SORCS1: variants seen among roughly 807,000 people sequenced by gnomAD.
The protein encoded by SORCS1 is sortilin related VPS10 domain containing receptor 1, also known as VPS10 domain-containing receptor SorCS1.
In SORCS1, 60 loss-of-function variants were observed where a neutral mutation model predicts 146.1. That is an observed-to-expected ratio of 0.41 (90% CI 0.33 to 0.51). The LOEUF is 0.51. Ranked by LOEUF, SORCS1 falls within the 20% of genes least tolerant of loss-of-function variation. The pLI is 0.21. For synonymous variants in SORCS1, 637 were observed against 584.0 expected, an observed-to-expected ratio of 1.09 and a Z score of -1.31; for missense variants, 1,352 against 1,487.6, an observed-to-expected ratio of 0.91 and a Z score of 1.50.
chr10:106,900,397 C>G (rs915242251), intron 2 of SORCS1, among the ~76,000 whole-genome samples: 1 of 152,162 alleles, frequency 6.6e-6, no homozygotes, highest in East Asian at 1.9e-4. Context: ...CCCTACTGCT[C>G]TCTGTGGCTT....
intron 1 of SORCS1, among the ~76,000 whole-genome samples, chr10:106,987,623 T>G (rs894938526): frequency 6.6e-6 from 1 of 152,200 alleles, no homozygotes; most frequent in Non-Finnish European, 1.5e-5. Context: ...TCCCGCCTAC[T>G]GAGGTTCTCC....
rs532972479 is a variant in SORCS1, at chr10:106,850,066, G to A, written c.627-20393C>T. On this transcript the variant is annotated intron_variant, in intron 2 of 25. Coordinates refer to ENST00000263054, the MANE Select transcript of SORCS1 (RefSeq NM_052918.5). ...TTGTCTGTGCCCTGCCCCCAGAGGT[G>A]GAGTGTACAGAGGCAGGCAGGCCTC... 3.3e-5 allele frequency among the ~76,000 whole-genome samples: 5 copies of A among 152,254 alleles called. No homozygotes were observed. In the South Asian group the frequency reaches 1.0e-3, roughly 32 times the overall value.
chr10:107,054,334 T>C (rs1272359922), intron 1 of SORCS1, among the ~76,000 whole-genome samples: 2 of 151,932 alleles, frequency 1.3e-5, no homozygotes, highest in Non-Finnish European at 2.9e-5. Flanking sequence ...TATAATAACA[T>C]TTTTTTAAAA....
chr10:106,579,547 G>A (rs1226553013), intron 24 of SORCS1, 73 bp from the exon 25 acceptor site: 1 of 1,456,186 alleles, frequency 6.9e-7, no homozygotes, highest in African/African-American at 1.4e-5. Context: ...AGGCTCAAAT[G>A]TTTCACACAC....
In SORCS1 at chr10:106,623,976, C is replaced by T. The variant is rs528167391; in HGVS notation, c.2663-3415G>A. Among the ~76,000 whole-genome samples the T allele has an allele frequency of 7.9e-5, 12 of 152,294 alleles. 1 individual carries two copies. In the South Asian group the frequency reaches 2.1e-3, roughly 26 times the overall value. On this transcript the variant is annotated intron_variant, in intron 19 of 25. Transcript: ENST00000263054. ...CTGGGACTACAGGCGTGAGTCACTG[C>T]GCCCAACCCTCACTCAATAGTTTTT...
At chr10:106,855,975 T>G (rs1161058328) in intron 2 of SORCS1, among the ~76,000 whole-genome samples, 2 of 151,820 alleles carry the variant, frequency 1.3e-5, no homozygotes, top group Admixed American at 6.6e-5. Context: ...CCATAGTCAA[T>G]AGGCCTTTAG....
At chr10:106,992,097 G>A (rs542501935) in intron 1 of SORCS1, among the ~76,000 whole-genome samples, 4 of 152,276 alleles carry the variant, frequency 2.6e-5, no homozygotes, top group Admixed American at 6.5e-5. Flanking sequence ...TGAAGACTGA[G>A]CAATCAACAC....
Position 106,612,027 on chromosome 10 carries a change from G to C in SORCS1, c.2921-4C>G. On this transcript the variant is annotated splice_region_variant and splice_polypyrimidine_tract_variant and intron_variant, in intron 21 of 25. Coordinates refer to ENST00000263054, the MANE Select transcript of SORCS1 (RefSeq NM_052918.5). The stretch of plus-strand genomic sequence containing the variant: ...AAGCGAAGAGACCGGAATTCCTCTG[G>C]GGATATAACAGTAGATGGAGTACTA... The C allele has an allele frequency of 6.2e-7, 1 of 1,609,120 alleles. No individual in the cohort carries two copies.
intron 2 of SORCS1, among the ~76,000 whole-genome samples, chr10:106,939,246 GC>G (rs1371509900): frequency 6.6e-6 from 1 of 152,200 alleles, no homozygotes; most frequent in Non-Finnish European, 1.5e-5. Flanking sequence ...TGCAGGCATG[GC>G]TAATCCAAGT....
chr10:106,691,255 C>T (rs188752769), intron 9 of SORCS1, among the ~76,000 whole-genome samples: 18 of 152,280 alleles, frequency 1.2e-4, no homozygotes, highest in Middle Eastern at 6.8e-3. Context: ...TTCCCATAGA[C>T]ACAGAATTTC....
chr10:106,706,944 C>T (rs1854576613), intron 7 of SORCS1, among the ~76,000 whole-genome samples: 1 of 152,158 alleles, frequency 6.6e-6, no homozygotes, highest in Non-Finnish European at 1.5e-5. Flanking sequence ...CCATCACCAG[C>T]CCAGGTCTCT....
intron 1 of SORCS1, among the ~76,000 whole-genome samples, chr10:107,152,373 G>A (rs1303794497): frequency 6.6e-6 from 1 of 152,220 alleles, no homozygotes; most frequent in African/African-American, 2.4e-5. Context: ...GCACTGTCTA[G>A]TGGAGCTATG....
At chr10:107,161,049 C>A (rs1015593999) in intron 1 of SORCS1, among the ~76,000 whole-genome samples, 2 of 152,122 alleles carry the variant, frequency 1.3e-5, no homozygotes, top group African/African-American at 4.8e-5. Context: ...CAGTTTCCAT[C>A]AATCGAGACT....
At chr10:106,803,201 C>T (rs1048733789) in intron 3 of SORCS1, among the ~76,000 whole-genome samples, 8 of 152,066 alleles carry the variant, frequency 5.3e-5, no homozygotes, top group Non-Finnish European at 1.2e-4. Context: ...AGAAACTTAA[C>T]CAATGTACCA....
intron 17 of SORCS1, among the ~76,000 whole-genome samples, chr10:106,663,761 T>C (rs997511636): frequency 6.6e-6 from 1 of 152,224 alleles, no homozygotes; most frequent in African/African-American, 2.4e-5. Flanking sequence ...TCTTTGTAGA[T>C]GATTTCAGGC....
Position 106,577,370 on chromosome 10 carries a change from C to T in SORCS1, c.*50G>A, listed in dbSNP as rs752433532. On this transcript the variant is annotated 3_prime_UTR_variant, in exon 26 of 26. Coordinates refer to ENST00000263054, the MANE Select transcript of SORCS1 (RefSeq NM_052918.5). Reference sequence around the variant, plus strand: ...TGAAGGATGATGTACTTGACAAGAGCGAAATTCTTTCCTGATCAGCAGGTC... The same window carrying T: ...TGAAGGATGATGTACTTGACAAGAGTGAAATTCTTTCCTGATCAGCAGGTC... The T allele has an allele frequency of 1.7e-5, 28 of 1,612,786 alleles. No homozygotes were observed. In the Admixed American group the frequency reaches 2.0e-4, roughly 12 times the overall value.
chr10:107,043,637 C>T (rs1959190905), intron 1 of SORCS1, among the ~76,000 whole-genome samples: 1 of 152,110 alleles, frequency 6.6e-6, no homozygotes, highest in African/African-American at 2.4e-5. Context: ...TTCAGCTGTT[C>T]AAGGTCATCA....
At chr10:106,745,990 A>G (rs188890940) in intron 5 of SORCS1, among the ~76,000 whole-genome samples, 1 of 152,300 alleles carries the variant, frequency 6.6e-6, no homozygotes, top group African/African-American at 2.4e-5. Flanking sequence ...AACTAACCCA[A>G]TTTGAGGGGC....
intron 7 of SORCS1, 62 bp downstream of exon 7, chr10:106,709,161 A>G: frequency 2.3e-6 from 3 of 1,324,096 alleles, no homozygotes; most frequent in Non-Finnish European, 3.3e-6. Context: ...AGCAGGCAAA[A>G]GGGACAGAAA....
Sources: gnomAD v4.1 joint callset for allele counts (sites outside exome capture counted in the v4.1 genomes callset) on GRCh38, gnomAD v4.1.1 for gene constraint, MANE v1.5 for transcripts, NCBI Gene and HGNC (gene_info 2026-07-23, HGNC 2026-07-21) for gene names.